NDST4: variants seen among roughly 807,000 people sequenced by gnomAD.
The protein encoded by NDST4 is N-heparan sulfate sulfotransferase 4.
In NDST4, 63 loss-of-function variants were observed where a neutral mutation model predicts 100.8. That is an observed-to-expected ratio of 0.62 (90% CI 0.51 to 0.77). NDST4 has a LOEUF of 0.77. Among genes scored for constraint, NDST4 ranks in the 30% least tolerant of loss-of-function variants. The pLI is 0.00. For synonymous variants in NDST4, 377 were observed against 361.8 expected (o/e 1.04, Z -0.48); for missense variants, 943 against 1,018.4 (o/e 0.93, Z 1.01).
intron 6 of NDST4, among the ~76,000 whole-genome samples, chr4:114,884,470 A>G (rs1350412098): frequency 6.6e-6 from 1 of 152,166 alleles, no homozygotes. Flanking sequence ...GTAGGTTTCA[A>G]TGTAGCACAT....
At chr4:115,054,542 AT>A (rs770859301) in intron 2 of NDST4, among the ~76,000 whole-genome samples, 1 of 152,154 alleles carries the variant, frequency 6.6e-6, no homozygotes, top group Non-Finnish European at 1.5e-5. Flanking sequence ...ATTGTCACCA[AT>A]TTTTTTATTT....
At chr4:114,848,147 T>C (rs1723594281) in intron 9 of NDST4, 68 bp downstream of exon 9, 1 of 1,332,238 alleles carries the variant, frequency 7.5e-7, no homozygotes, top group Non-Finnish European at 1.0e-6. Flanking sequence ...CACACATACA[T>C]CTGTAATTGC....
chr4:115,022,494 T>TATATATGTGTTCC (rs1727878986), intron 2 of NDST4, among the ~76,000 whole-genome samples: 1 of 86,096 alleles, frequency 1.2e-5, no homozygotes, highest in African/African-American at 4.2e-5. Context: ...ATATGTTCCA[T>TATATATGTGTTCC]ATATATATAT....
At chr4:115,043,527 G>C (rs1481516861) in intron 2 of NDST4, among the ~76,000 whole-genome samples, 1 of 152,040 alleles carries the variant, frequency 6.6e-6, no homozygotes, top group Non-Finnish European at 1.5e-5. Context: ...CCACTGTCTA[G>C]AGTTACATAG....
At chr4:115,058,768 G>A (rs1283750580) in intron 2 of NDST4, among the ~76,000 whole-genome samples, 2 of 151,910 alleles carry the variant, frequency 1.3e-5, no homozygotes, top group East Asian at 3.9e-4. Context: ...TTTCCTTTCA[G>A]TATTAATGAT....
chr4:114,996,385 T>C (rs1727162978), intron 2 of NDST4, among the ~76,000 whole-genome samples: 1 of 152,122 alleles, frequency 6.6e-6, no homozygotes, highest in Non-Finnish European at 1.5e-5. Context: ...CCCTTTTCTT[T>C]ATAAATTACT....
At chr4:115,098,117 T>G (rs1380262414) in intron 1 of NDST4, among the ~76,000 whole-genome samples, 1 of 152,174 alleles carries the variant, frequency 6.6e-6, no homozygotes, top group Non-Finnish European at 1.5e-5. Context: ...TTTCTTCTTG[T>G]CTATCACTCC....
At chr4:115,020,790 T>C (rs993908521) in intron 2 of NDST4, among the ~76,000 whole-genome samples, 7 of 151,966 alleles carry the variant, frequency 4.6e-5, no homozygotes, top group Admixed American at 1.3e-4. Flanking sequence ...GATATACAAA[T>C]GGCCAACATC....
At chr4:115,082,982 A>T (rs1729333428) in intron 1 of NDST4, among the ~76,000 whole-genome samples, 1 of 152,204 alleles carries the variant, frequency 6.6e-6, no homozygotes, top group Non-Finnish European at 1.5e-5. Context: ...TGTAAATTGG[A>T]ATGACTTAAG....
chr4:115,024,052 C>T (rs1166580492), intron 2 of NDST4, among the ~76,000 whole-genome samples: 3 of 152,138 alleles, frequency 2.0e-5, no homozygotes, highest in Non-Finnish European at 2.9e-5. Context: ...TGCAAGCTCA[C>T]ATCATGTAAG....
At chr4:115,098,140 A>C (rs1729657790) in intron 1 of NDST4, among the ~76,000 whole-genome samples, 1 of 152,166 alleles carries the variant, frequency 6.6e-6, no homozygotes, top group Admixed American at 6.6e-5. Flanking sequence ...TTAAAATGCA[A>C]ACTCTTTGAA....
chr4:114,987,924 T>G (rs534111788), intron 2 of NDST4, among the ~76,000 whole-genome samples: 9 of 152,334 alleles, frequency 5.9e-5, no homozygotes, highest in Admixed American at 1.3e-4. Context: ...TCCTACTTAT[T>G]ATGCAATGCA....
chr4:114,923,534 A>C (rs987664194), intron 6 of NDST4, among the ~76,000 whole-genome samples: 1 of 152,174 alleles, frequency 6.6e-6, no homozygotes, highest in African/African-American at 2.4e-5. Context: ...AAAAAAGCAC[A>C]CATTTCCAAA....
intron 6 of NDST4, among the ~76,000 whole-genome samples, chr4:114,912,335 C>T (rs576014047): frequency 1.3e-5 from 2 of 152,264 alleles, no homozygotes; most frequent in South Asian, 4.2e-4. Context: ...GGCCTAAGAA[C>T]ACGGCTCTCT....
chr4:115,056,656 A>G (rs376760888), intron 2 of NDST4, among the ~76,000 whole-genome samples: 8 of 152,126 alleles, frequency 5.3e-5, no homozygotes, highest in Non-Finnish European at 8.8e-5. Flanking sequence ...TTTATTAGAA[A>G]CTACTGTTTC....
intron 6 of NDST4, among the ~76,000 whole-genome samples, chr4:114,907,825 A>G (rs996901469): frequency 3.3e-5 from 5 of 152,104 alleles, no homozygotes; most frequent in African/African-American, 4.8e-5. Flanking sequence ...CCTAACTTAT[A>G]GGCATGAGAA....
At chr4:114,932,202 A>G (rs748019350) in intron 6 of NDST4, among the ~76,000 whole-genome samples, 9 of 152,024 alleles carry the variant, frequency 5.9e-5, no homozygotes, top group African/African-American at 9.6e-5. Flanking sequence ...ATGCAAATCC[A>G]TAAGTGTGAT....
chr4:114,831,093 C>T (rs899619927), intron 12 of NDST4, among the ~76,000 whole-genome samples: 10 of 151,512 alleles, frequency 6.6e-5, no homozygotes, highest in African/African-American at 2.4e-4. Flanking sequence ...TCGCCCAGGC[C>T]GGACTGCGGA....
rs769914577 is a variant in NDST4 at position 115,076,907 on chromosome 4, T to G, written c.130A>C (p.Ile44Leu). The change falls in exon 2 of 14, where the codon ATT becomes CTT. Residue 44 changes from isoleucine (I) to leucine (L), a missense_variant. Physicochemically the swap from Ile to Leu is conservative, Grantham distance 5. Transcript: ENST00000264363. ...YSGYKQEMTLIETTAEAECTD... is the reference protein window; with the variant it reads ...YSGYKQEMTLLETTAEAECTD... Reference sequence around the variant, plus strand: ...CATTCTGCTTCTGCAGTGGTTTCAATAAGTGTCATTTCCTGTTTGTAGCCA... The same window carrying G: ...CATTCTGCTTCTGCAGTGGTTTCAAGAAGTGTCATTTCCTGTTTGTAGCCA... 6.2e-7 allele frequency: 1 copy of G among 1,613,778 alleles called. No homozygotes were observed. Among genetic ancestry groups the G allele is most frequent in the Non-Finnish European group, 8.5e-7 (1 of 1,179,848 alleles).
Sources: allele counts gnomAD v4.1 joint callset (sites outside exome capture counted in the v4.1 genomes callset), GRCh38; gene constraint gnomAD v4.1.1; transcripts MANE v1.5; gene names NCBI Gene and HGNC (gene_info 2026-07-23, HGNC 2026-07-21).